POU2AF2: variants seen among roughly 807,000 people sequenced by gnomAD.
POU2AF2 encodes POU class 2 homeobox associating factor 2, also known as POU domain class 2-associating factor 2.
chr11:111,265,503 G>A, the POU2AF2 span, among the ~76,000 whole-genome samples: 1 of 151,988 alleles, frequency 6.6e-6, no homozygotes, highest in African/African-American at 2.4e-5. Context: ...CACTTCTCTG[G>A]GCCTCAGTTT....
At chr11:111,269,029 G>A in the POU2AF2 span, among the ~76,000 whole-genome samples, 2 of 151,956 alleles carry the variant, frequency 1.3e-5, no homozygotes, top group East Asian at 3.9e-4. Flanking sequence ...ATGAATGCCA[G>A]CAGAAGAATC....
the POU2AF2 span, among the ~76,000 whole-genome samples, chr11:111,268,103 G>A: frequency 4.7e-4 from 72 of 152,352 alleles, no homozygotes; most frequent in African/African-American, 1.7e-3. Context: ...AAATTAAGGA[G>A]TTGGTCATAC....
the POU2AF2 span, chr11:111,284,194 TC>T: frequency 6.2e-7 from 1 of 1,614,216 alleles, no homozygotes; most frequent in Non-Finnish European, 8.5e-7. Flanking sequence ...GGAAGCCGTT[TC>T]CCTGTGAGTC....
chr11:111,269,389 T>A, the POU2AF2 span, among the ~76,000 whole-genome samples: 2 of 152,134 alleles, frequency 1.3e-5, no homozygotes, highest in Non-Finnish European at 2.9e-5. Context: ...CTGAACCACA[T>A]TCCCAGTGCT....
At chr11:111,284,153 T>A in the POU2AF2 span, 2 of 1,613,868 alleles carry the variant, frequency 1.2e-6, no homozygotes, top group Admixed American at 1.7e-5. Flanking sequence ...CAGTAAACAG[T>A]TTTCAAATGA....
chr11:111,286,324 T>C, the POU2AF2 span: 5 of 336,268 alleles, frequency 1.5e-5, no homozygotes, highest in Middle Eastern at 7.8e-4. Context: ...CATTACGTTC[T>C]GAATCTTCTG....
At chr11:111,247,704 T>C in the POU2AF2 span, among the ~76,000 whole-genome samples, 10 of 151,446 alleles carry the variant, frequency 6.6e-5, no homozygotes, top group African/African-American at 2.4e-4. Flanking sequence ...GGAGAATCAC[T>C]TGAACCCAGG....
the POU2AF2 span, among the ~76,000 whole-genome samples, chr11:111,260,748 A>G: frequency 1.3e-5 from 2 of 152,214 alleles, no homozygotes; most frequent in East Asian, 1.9e-4. Flanking sequence ...GAGAGAATCA[A>G]TGTTGCTAGT....
chr11:111,247,631 A>T, the POU2AF2 span, among the ~76,000 whole-genome samples: 1 of 151,926 alleles, frequency 6.6e-6, no homozygotes. Flanking sequence ...TACTAAAAAT[A>T]CAAAAATTAG....
At chr11:111,272,799 ACTTCTG>A in the POU2AF2 span, among the ~76,000 whole-genome samples, 1 of 152,142 alleles carries the variant, frequency 6.6e-6, no homozygotes, top group Non-Finnish European at 1.5e-5. Context: ...ATGAAATGAA[ACTTCTG>A]CTCTAGACAA....
the POU2AF2 span, among the ~76,000 whole-genome samples, chr11:111,280,183 T>C: frequency 0.27 from 40,011 of 150,744 alleles, 5,597 homozygotes; most frequent in Admixed American, 0.33. Context: ...TCCACATATT[T>C]TTCTTACGTC....
the POU2AF2 span, among the ~76,000 whole-genome samples, chr11:111,277,643 A>T: frequency 6.6e-6 from 1 of 152,218 alleles, no homozygotes; most frequent in Non-Finnish European, 1.5e-5. Context: ...CGGATTGGGC[A>T]TGTGTGCTGT....
chr11:111,267,378 C>T, the POU2AF2 span, among the ~76,000 whole-genome samples: 655 of 152,218 alleles, frequency 4.3e-3, 3 homozygotes, highest in African/African-American at 0.015. Flanking sequence ...CTTCCTGAAC[C>T]GGAGTCAGAG....
the POU2AF2 span, chr11:111,286,158 C>A: frequency 7.7e-7 from 1 of 1,296,520 alleles, no homozygotes; most frequent in Non-Finnish European, 1.1e-6. Flanking sequence ...CAGAATAAGC[C>A]TCAATGCTGC....
the POU2AF2 span, among the ~76,000 whole-genome samples, chr11:111,254,429 A>G: frequency 1.3e-5 from 2 of 152,182 alleles, no homozygotes; most frequent in African/African-American, 4.8e-5. Context: ...TTCATTTTGT[A>G]TCGGTGTTTT....
the POU2AF2 span, among the ~76,000 whole-genome samples, chr11:111,276,453 A>AAAAAAAAT: frequency 2.7e-5 from 1 of 37,672 alleles, no homozygotes; most frequent in Non-Finnish European, 5.0e-5. Context: ...AAAAAAAAAA[A>AAAAAAAAT]ATATATATAT....
chr11:111,261,911 G>C, the POU2AF2 span, among the ~76,000 whole-genome samples: 1,647 of 152,274 alleles, frequency 0.011, 10 homozygotes, highest in Middle Eastern at 0.044. Context: ...TATCCCAAGT[G>C]AGAAATGTAT....
At chr11:111,280,057 A>AAAATATATATATATATATATAT in the POU2AF2 span, among the ~76,000 whole-genome samples, 2 of 76,496 alleles carry the variant, frequency 2.6e-5, no homozygotes. Context: ...AAAAAAAAAA[A>AAAATATATATATATATATATAT]ATATATATAT....
the POU2AF2 span, chr11:111,286,118 G>T: frequency 6.4e-7 from 1 of 1,567,526 alleles, no homozygotes; most frequent in African/African-American, 1.4e-5. Context: ...GATTGTTTTA[G>T]GTGTGTCAGC....
Sources: gnomAD v4.1 joint callset for allele counts (sites outside exome capture counted in the v4.1 genomes callset) on GRCh38, gnomAD v4.1.1 for gene constraint, MANE v1.5 for transcripts, NCBI Gene and HGNC (gene_info 2026-07-23, HGNC 2026-07-21) for gene names.